Variants in JAK1 observed in about 807,000 individuals in gnomAD.
The protein encoded by JAK1 is Janus kinase 1, also known as tyrosine-protein kinase JAK1.
A neutral mutation model predicts 136.6 loss-of-function variants in JAK1; 16 were observed. The observed-to-expected ratio is 0.12, with a 90% CI of 0.08 to 0.18. The LOEUF is 0.18. JAK1 is among the 10% of genes least tolerant of loss of function. The pLI, the probability that JAK1 is intolerant of heterozygous loss-of-function variation, is 1.00. For synonymous variants in JAK1, 492 were observed against 519.5 expected (o/e 0.95, Z 0.72); for missense variants, 859 against 1,450.1 (o/e 0.59, Z 6.62).
intron 2 of JAK1, among the ~76,000 whole-genome samples, chr1:65,017,836 C>CAG (rs976443470): frequency 6.8e-5 from 10 of 146,668 alleles, no homozygotes; most frequent in Admixed American, 6.1e-4. Context: ...TTTTTTTTGA[C>CAG]AGATTCTCAC....
intron 1 of JAK1, among the ~76,000 whole-genome samples, chr1:64,889,385 T>C (rs1348689982): frequency 1.3e-5 from 2 of 152,182 alleles, no homozygotes; most frequent in Non-Finnish European, 1.5e-5. Flanking sequence ...TTTTTGGTGA[T>C]AGCAGTGAAT....
intron 14 of JAK1, 84 bp from the exon 15 acceptor site, chr1:64,845,724 T>C: frequency 6.5e-7 from 1 of 1,528,050 alleles, no homozygotes; most frequent in African/African-American, 1.4e-5. Flanking sequence ...TCCACTTCAG[T>C]GGACACTACT....
At chr1:64,873,078 T>TA (rs1657170781) in intron 5 of JAK1, among the ~76,000 whole-genome samples, 1 of 152,078 alleles carries the variant, frequency 6.6e-6, no homozygotes, top group Non-Finnish European at 1.5e-5. Flanking sequence ...CCTCTGCACA[T>TA]AAGGCTATTA....
intron 2 of JAK1, among the ~76,000 whole-genome samples, chr1:64,982,788 A>G (rs1324172864): frequency 6.6e-6 from 1 of 151,806 alleles, no homozygotes; most frequent in African/African-American, 2.4e-5. Flanking sequence ...TCATGTGTAC[A>G]TTCAGAATTT....
At chr1:64,989,368 T>TAAAA (rs1553178924) in intron 2 of JAK1, 23 of 148,542 alleles carry the variant, frequency 1.5e-4, no homozygotes, top group African/African-American at 2.8e-4. Flanking sequence ...AATAAATAAA[T>TAAAA]AAAATAAACT....
intron 3 of JAK1, among the ~76,000 whole-genome samples, chr1:64,881,559 C>G (rs913200364): frequency 6.6e-5 from 10 of 152,230 alleles, no homozygotes; most frequent in Middle Eastern, 6.8e-3. Flanking sequence ...ACAGTGAGAG[C>G]TACAAGAACC....
chr1:64,836,075 A>C, intron 23 of JAK1, 23 bp downstream of exon 23: 2 of 1,339,788 alleles, frequency 1.5e-6, no homozygotes, highest in African/African-American at 1.4e-5. Flanking sequence ...CTGGATTCAA[A>C]TGAAGAGAAA....
At chr1:65,017,056 T>A (rs1646897259) in intron 2 of JAK1, among the ~76,000 whole-genome samples, 1 of 152,180 alleles carries the variant, frequency 6.6e-6, no homozygotes, top group South Asian at 2.1e-4. Flanking sequence ...TACCTAGTAG[T>A]GCAGCCACAA....
At chr1:64,850,450 C>G (rs1419238229) in intron 12 of JAK1, among the ~76,000 whole-genome samples, 2 of 152,246 alleles carry the variant, frequency 1.3e-5, no homozygotes, top group Admixed American at 1.3e-4. Flanking sequence ...TCTGGAGGTG[C>G]TCCATCACAC....
Position 64,841,240 on chromosome 1 carries a change from C to T in JAK1, c.2649+5G>A. 1 of 1,609,764 alleles carries T rather than the reference C, an allele frequency of 6.2e-7. No individual in the cohort carries two copies. Among genetic ancestry groups the T allele is most frequent in the Non-Finnish European group, 8.5e-7 (1 of 1,175,980 alleles). On this transcript the variant is annotated splice_donor_5th_base_variant and intron_variant, in intron 19 of 24. Coordinates refer to ENST00000342505, the MANE Select transcript of JAK1 (RefSeq NM_002227.4). ...TCAGCAGCAAGCAGCACGGGTGTAA[C>T]TTACCTCTCCCAAGTCACGGATCCT...
At chr1:64,963,302 G>C (rs1646315881) in intron 1 of JAK1, among the ~76,000 whole-genome samples, 1 of 152,140 alleles carries the variant, frequency 6.6e-6, no homozygotes, top group South Asian at 2.1e-4. Flanking sequence ...CAAGCGAGTA[G>C]AGCATGAATG....
chr1:64,960,215 G>A (rs370205166), intron 1 of JAK1, among the ~76,000 whole-genome samples: 2 of 152,190 alleles, frequency 1.3e-5, no homozygotes, highest in Admixed American at 6.5e-5. Context: ...GTGACAGCGC[G>A]AGACCTTGTC....
chr1:64,868,654 C>T (rs144001771), intron 6 of JAK1, among the ~76,000 whole-genome samples: 8 of 152,164 alleles, frequency 5.3e-5, no homozygotes, highest in Admixed American at 2.6e-4. Flanking sequence ...AGACGCACGC[C>T]GCCTATCACA....
intron 2 of JAK1, among the ~76,000 whole-genome samples, chr1:65,020,559 C>T (rs1260036249): frequency 6.6e-6 from 1 of 152,204 alleles, no homozygotes; most frequent in Admixed American, 6.5e-5. Context: ...ATCATTCAAA[C>T]TGCACATATA....
chr1:65,031,069 A>C (rs968091976), intron 2 of JAK1, among the ~76,000 whole-genome samples: 26 of 150,024 alleles, frequency 1.7e-4, no homozygotes, highest in Non-Finnish European at 3.0e-4. Flanking sequence ...TGGGAGGATC[A>C]GTTGAGCCAG....
At position 64,939,616 on chromosome 1, in the gene JAK1, A is replaced by C. The variant is rs536233632; in HGVS notation, c.-78+26717T>G. ...ACACAAAAGAGTTGTTCAAGGATTA[A>C]ATTAGGTATATACTAGGAGCTGGGC... On this transcript the variant is annotated intron_variant, in intron 1 of 24. Transcript: ENST00000342505. Among the ~76,000 whole-genome samples the C allele has an allele frequency of 5.3e-5, 8 of 152,374 alleles. No homozygotes were observed. In the South Asian group the frequency reaches 1.7e-3, roughly 32 times the overall value.
intron 1 of JAK1, among the ~76,000 whole-genome samples, chr1:64,941,292 T>C (rs1020790643): frequency 7.9e-5 from 12 of 152,202 alleles, no homozygotes; most frequent in East Asian, 1.9e-4. Flanking sequence ...CAAGAATTTA[T>C]TGTAACTTGC....
At chr1:64,997,113 A>G (rs11208567) in intron 2 of JAK1, among the ~76,000 whole-genome samples, 1,649 of 152,354 alleles carry the variant, frequency 0.011, 34 homozygotes, top group African/African-American at 0.038. Flanking sequence ...AGTTAACCCC[A>G]GGCAACTAGT....
chr1:64,949,923 A>C (rs935992875), intron 1 of JAK1, among the ~76,000 whole-genome samples: 1 of 152,236 alleles, frequency 6.6e-6, no homozygotes, highest in East Asian at 1.9e-4. Context: ...AATAAAATAA[A>C]TTAACACAAC....
Sources: gnomAD v4.1 joint callset for allele counts (sites outside exome capture counted in the v4.1 genomes callset) on GRCh38, gnomAD v4.1.1 for gene constraint, MANE v1.5 for transcripts, NCBI Gene and HGNC (gene_info 2026-07-23, HGNC 2026-07-21) for gene names.